NALF1: variants seen among roughly 807,000 people sequenced by gnomAD.
NALF1 encodes NALCN channel auxiliary factor 1.
In NALF1, 3 loss-of-function variants were observed where a neutral mutation model predicts 48.4. The observed-to-expected ratio is 0.06, with a 90% CI of 0.03 to 0.16. The LOEUF (loss-of-function observed/expected upper bound fraction) is 0.16. Among genes scored for constraint, NALF1 ranks in the 10% least tolerant of loss-of-function variants. The pLI is 1.00. For missense variants in NALF1, 526 were observed against 571.5 expected (o/e 0.92, Z 0.81); for synonymous variants, 262 against 245.7 (o/e 1.07, Z -0.62).
intron 1 of NALF1, among the ~76,000 whole-genome samples, chr13:107,734,072 C>T (rs530923395): frequency 1.9e-4 from 29 of 152,074 alleles, no homozygotes; most frequent in Non-Finnish European, 4.1e-4. Context: ...CTTACCTAAA[C>T]ATAGAAAAAG....
intron 1 of NALF1, among the ~76,000 whole-genome samples, chr13:107,363,693 T>C (rs914737010): frequency 2.6e-5 from 4 of 152,208 alleles, no homozygotes; most frequent in Non-Finnish European, 5.9e-5. Flanking sequence ...TTAAGAGCCA[T>C]AGTAAATAAG....
At chr13:107,422,358 A>C (rs1196022918) in intron 1 of NALF1, among the ~76,000 whole-genome samples, 3 of 152,170 alleles carry the variant, frequency 2.0e-5, no homozygotes. Flanking sequence ...TTAAATCAAC[A>C]ACTGTCCACT....
chr13:107,375,854 T>G (rs1883326387), intron 1 of NALF1, among the ~76,000 whole-genome samples: 1 of 152,016 alleles, frequency 6.6e-6, no homozygotes, highest in South Asian at 2.1e-4. Context: ...GAAATAAATG[T>G]GAAAGCCAGC....
chr13:107,174,354 TA>T (rs1878869371), intron 2 of NALF1, among the ~76,000 whole-genome samples: 3 of 73,970 alleles, frequency 4.1e-5, no homozygotes, highest in Admixed American at 2.5e-4. Flanking sequence ...TTTATTTATT[TA>T]TTTATTTATT....
rs1878715778 is a variant in NALF1 at position 107,168,533 on chromosome 13, C to T, written c.*1964G>A. ...AAGGAACAAAAACGGGAGAATTTTG[C>T]ATTTTTGGTGTTTTCTTTTTTTTTG... On this transcript the variant is annotated 3_prime_UTR_variant, in exon 3 of 3. Coordinates refer to ENST00000375915, the MANE Select transcript of NALF1 (RefSeq NM_001080396.3). The T allele has an allele frequency of 6.7e-6, 1 of 150,004 alleles. No individual in the cohort carries two copies. The allele number at this position is 150,004 out of a possible 1,614,324, so 9.3% of individuals were successfully genotyped here.
At chr13:107,772,723 G>A (rs1022043403) in intron 1 of NALF1, among the ~76,000 whole-genome samples, 4 of 152,118 alleles carry the variant, frequency 2.6e-5, no homozygotes, top group Admixed American at 6.5e-5. Context: ...ATCCCTTCTT[G>A]GGTCACGGCC....
At chr13:107,443,051 A>G (rs182578954) in intron 1 of NALF1, among the ~76,000 whole-genome samples, 67 of 152,338 alleles carry the variant, frequency 4.4e-4, no homozygotes, top group Non-Finnish European at 5.9e-5. Flanking sequence ...TTAAGAAGGC[A>G]GCATTTGTGG....
chr13:107,697,831 T>C (rs1186647165), intron 1 of NALF1, among the ~76,000 whole-genome samples: 2 of 152,162 alleles, frequency 1.3e-5, no homozygotes, highest in Non-Finnish European at 2.9e-5. Context: ...TCAACCTTCG[T>C]TTAGCAAAGA....
At chr13:107,817,702 T>C (rs1256995222) in intron 1 of NALF1, among the ~76,000 whole-genome samples, 1 of 152,176 alleles carries the variant, frequency 6.6e-6, no homozygotes, top group Non-Finnish European at 1.5e-5. Context: ...ATATGCTCAA[T>C]TCTAAATGAT....
intron 1 of NALF1, among the ~76,000 whole-genome samples, chr13:107,365,270 AC>A (rs1566496508): frequency 6.6e-6 from 1 of 151,922 alleles, no homozygotes; most frequent in Admixed American, 6.6e-5. Flanking sequence ...CTGCTTTACA[AC>A]CTACTAATAA....
intron 1 of NALF1, among the ~76,000 whole-genome samples, chr13:107,470,988 A>G (rs1885091501): frequency 6.6e-6 from 1 of 152,240 alleles, no homozygotes; most frequent in African/African-American, 2.4e-5. Context: ...ATGATTGAGC[A>G]AGAAAAATCA....
chr13:107,630,269 T>C (rs1200374342), intron 1 of NALF1, among the ~76,000 whole-genome samples: 1 of 152,192 alleles, frequency 6.6e-6, no homozygotes, highest in Non-Finnish European at 1.5e-5. Flanking sequence ...TCTGTCCAAC[T>C]CTTTGAATCC....
intron 1 of NALF1, among the ~76,000 whole-genome samples, chr13:107,636,560 C>A (rs1041057155): frequency 6.6e-6 from 1 of 152,088 alleles, no homozygotes; most frequent in Non-Finnish European, 1.5e-5. Flanking sequence ...ATATCATAGT[C>A]CATTTGTTCA....
At chr13:107,675,886 T>C (rs913336719) in intron 1 of NALF1, among the ~76,000 whole-genome samples, 4 of 152,268 alleles carry the variant, frequency 2.6e-5, no homozygotes, top group African/African-American at 9.6e-5. Flanking sequence ...TTGGCTCCAA[T>C]TGAAGGTATG....
chr13:107,272,195 A>ATTTTTT (rs776753457), intron 1 of NALF1, among the ~76,000 whole-genome samples: 1 of 22,578 alleles, frequency 4.4e-5, no homozygotes, highest in African/African-American at 9.6e-5. Context: ...AGACCTTAGA[A>ATTTTTT]TTTTTTTTTT....
At chr13:107,682,354 C>T (rs776360587) in intron 1 of NALF1, among the ~76,000 whole-genome samples, 44 of 152,174 alleles carry the variant, frequency 2.9e-4, no homozygotes, top group Non-Finnish European at 5.6e-4. Context: ...TTGGGACTCA[C>T]GGCCCACCCT....
intron 1 of NALF1, among the ~76,000 whole-genome samples, chr13:107,705,828 G>A (rs1474427185): frequency 6.6e-6 from 1 of 152,048 alleles, no homozygotes; most frequent in Non-Finnish European, 1.5e-5. Context: ...GCACATTTGG[G>A]AGGTTTCGCT....
intron 1 of NALF1, among the ~76,000 whole-genome samples, chr13:107,279,043 CTTTTTTT>C (rs200133690): frequency 4.1e-5 from 5 of 122,928 alleles, no homozygotes; most frequent in Middle Eastern, 5.2e-3. Flanking sequence ...TTCTTTTCTT[CTTTTTTT>C]TTTTTTTTTT....
intron 1 of NALF1, among the ~76,000 whole-genome samples, chr13:107,782,000 C>A (rs907593381): frequency 2.0e-5 from 3 of 152,144 alleles, no homozygotes; most frequent in Admixed American, 2.0e-4. Flanking sequence ...CACTTCTGTG[C>A]AATGGTTTTA....
Sources: gnomAD v4.1 joint callset for allele counts (sites outside exome capture counted in the v4.1 genomes callset) on GRCh38, gnomAD v4.1.1 for gene constraint, MANE v1.5 for transcripts, NCBI Gene and HGNC (gene_info 2026-07-23, HGNC 2026-07-21) for gene names.